FILIP1L: variants seen among roughly 807,000 people sequenced by gnomAD.
The protein encoded by FILIP1L is filamin A interacting protein 1 like.
FILIP1L carries 55 observed loss-of-function variants against 96.6 expected under a neutral mutation model. The ratio of observed to expected loss-of-function variants is 0.57; its 90% CI spans 0.46 to 0.71. The LOEUF (loss-of-function observed/expected upper bound fraction) is 0.71. FILIP1L is among the 30% of genes least tolerant of loss of function. The pLI is 0.00. For synonymous variants in FILIP1L, 467 were observed against 473.9 expected (o/e 0.99, Z 0.19); for missense variants, 1,304 against 1,321.2 (o/e 0.99, Z 0.20).
intron 4 of FILIP1L, among the ~76,000 whole-genome samples, chr3:99,853,539 A>G (rs1943808551): frequency 6.6e-6 from 1 of 152,210 alleles, no homozygotes; most frequent in African/African-American, 2.4e-5. Context: ...AAAGGTTTAG[A>G]AAAAAATTCA....
At chr3:99,874,044 T>C (rs1265877616) in intron 4 of FILIP1L, among the ~76,000 whole-genome samples, 3 of 152,232 alleles carry the variant, frequency 2.0e-5, no homozygotes, top group Non-Finnish European at 2.9e-5. Context: ...TGATAAGTCA[T>C]ACTTAGCTTT....
chr3:99,962,284 G>A (rs1344854108), intron 1 of FILIP1L, among the ~76,000 whole-genome samples: 1 of 152,118 alleles, frequency 6.6e-6, no homozygotes, highest in Non-Finnish European at 1.5e-5. Context: ...GGCTAACAGT[G>A]GGAAGATGAG....
Position 99,830,550 on chromosome 3 carries a change from G to A in FILIP1L, c.3437C>T (p.Thr1146Ile), listed in dbSNP as rs1406233724. 4 of 456,596 alleles carry A rather than the reference G, an allele frequency of 8.8e-6. No individual in the cohort carries two copies. Among genetic ancestry groups the A allele is most frequent in the South Asian group, 1.5e-5 (1 of 64,570 alleles). 28.3% of individuals were successfully genotyped at this position (456,596 alleles called of 1,614,324 possible). A position where few individuals can be genotyped will look rare whatever the true frequency, so the allele number is the denominator to read the frequency against. Residue 1146 changes from threonine (T) to isoleucine (I), a missense_variant, in exon 6 of 6, where the codon ACA becomes ATA. Coordinates refer to ENST00000477258, the MANE Select transcript of FILIP1L (RefSeq NM_001387850.1). Reference protein sequence around the residue: ...IPARIPKPKSTGITKISTKAP... With the variant: ...IPARIPKPKSIGITKISTKAP... ...TTTAGTGGAAATCTTGGTGATGCCT[G>A]TAGATTTCGGTTTAGGGATCCGTGC...
intron 1 of FILIP1L, among the ~76,000 whole-genome samples, chr3:100,062,093 CTTTTTTTTTTTTT>C (rs71907944): frequency 0.011 from 591 of 53,180 alleles, 9 homozygotes; most frequent in South Asian, 0.017. Flanking sequence ...CTGTCTTCTT[CTTTTTTTTTTTTT>C]TTTTTTTTTT....
rs565922022 is a variant in FILIP1L at position 99,905,474 on chromosome 3, T to C, written c.605+18756A>G. Among the ~76,000 whole-genome samples, 6 of 152,338 alleles carry C rather than the reference T, an allele frequency of 3.9e-5. No homozygotes were observed. The East Asian group carries it at 7.7e-4, about 20-fold the overall frequency. On this transcript the variant is annotated intron_variant, in intron 4 of 5. Transcript: ENST00000477258. ...GTCTAGTCTTTGTATGTCTTGCATC[T>C]TTAGAACATGTAACATACTCCATTT...
At chr3:99,935,984 CTTA>C (rs1191301702) in intron 1 of FILIP1L, among the ~76,000 whole-genome samples, 4 of 152,150 alleles carry the variant, frequency 2.6e-5, no homozygotes, top group Non-Finnish European at 4.4e-5. Context: ...CAGCCAATTA[CTTA>C]TTATAAAATT....
In FILIP1L at chr3:100,085,761, A is replaced by G. The variant is rs528093252; in HGVS notation, c.-11+28292T>C. ...GGAATCAGAGCTATGCACGTGGATG[A>G]TGACCCCCTCCTAAGTGGCCAAATA... On this transcript the variant is annotated intron_variant, in intron 1 of 5. Coordinates refer to ENST00000477258, the MANE Select transcript of FILIP1L (RefSeq NM_001387850.1). Among the ~76,000 whole-genome samples the G allele has an allele frequency of 2.0e-5, 3 of 152,302 alleles. No homozygotes were observed. In the South Asian group the frequency reaches 6.2e-4, roughly 32 times the overall value.
At chr3:100,039,336 T>C (rs1332339054) in intron 1 of FILIP1L, among the ~76,000 whole-genome samples, 1 of 152,182 alleles carries the variant, frequency 6.6e-6, no homozygotes, top group Non-Finnish European at 1.5e-5. Context: ...CAGCCAAGAC[T>C]CACCTGCTAC....
rs186825578 is a variant in FILIP1L, at chr3:100,109,070, C to T, written c.-11+4983G>A. On this transcript the variant is annotated intron_variant, in intron 1 of 5. Coordinates refer to ENST00000477258, the MANE Select transcript of FILIP1L (RefSeq NM_001387850.1). ...AGTTTTCTGGGTTCTACAGGATGAT[C>T]GTTTTTAACTGTCTCTTAAAAAAAA... 1.2e-4 allele frequency among the ~76,000 whole-genome samples: 17 copies of T among 144,390 alleles called. No individual in the cohort carries two copies. The East Asian group carries it at 3.4e-3, about 29-fold the overall frequency. The allele number at this position is 144,390 out of a possible 152,430, so 94.7% of individuals were successfully genotyped here.
At chr3:99,891,384 G>A (rs1196963433) in intron 4 of FILIP1L, among the ~76,000 whole-genome samples, 1 of 152,024 alleles carries the variant, frequency 6.6e-6, no homozygotes, top group Non-Finnish European at 1.5e-5. Flanking sequence ...TTAAGTTTAT[G>A]GAGTTTAACA....
At chr3:99,892,958 G>C (rs969034531) in intron 4 of FILIP1L, among the ~76,000 whole-genome samples, 1 of 152,114 alleles carries the variant, frequency 6.6e-6, no homozygotes, top group African/African-American at 2.4e-5. Flanking sequence ...GCCCCTGTTG[G>C]TGCTGATCCC....
intron 4 of FILIP1L, among the ~76,000 whole-genome samples, chr3:99,906,836 T>C (rs1706633188): frequency 6.6e-6 from 1 of 152,198 alleles, no homozygotes; most frequent in Admixed American, 6.5e-5. Flanking sequence ...ACACTTTTCA[T>C]GTATTTTGCC....
intron 4 of FILIP1L, among the ~76,000 whole-genome samples, chr3:99,873,776 T>C (rs146945969): frequency 6.6e-6 from 1 of 152,312 alleles, no homozygotes; most frequent in East Asian, 1.9e-4. Flanking sequence ...AAGGCTTGAT[T>C]TGTGTTTTCA....
chr3:99,872,906 G>A (rs1228646322), intron 4 of FILIP1L, among the ~76,000 whole-genome samples: 1 of 151,804 alleles, frequency 6.6e-6, no homozygotes, highest in Non-Finnish European at 1.5e-5. Flanking sequence ...AGGTCAAGGA[G>A]AATCTCAAGT....
intron 1 of FILIP1L, among the ~76,000 whole-genome samples, chr3:99,946,706 C>A (rs981890781): frequency 6.6e-6 from 1 of 152,140 alleles, no homozygotes; most frequent in Non-Finnish European, 1.5e-5. Context: ...TGTAGTTTAA[C>A]GTGGTGGTGG....
intron 5 of FILIP1L, among the ~76,000 whole-genome samples, chr3:99,839,051 C>A (rs1432876072): frequency 6.6e-6 from 1 of 152,120 alleles, no homozygotes; most frequent in South Asian, 2.1e-4. Context: ...GCCCCCACAC[C>A]TTTACCTTGT....
chr3:99,849,356 A>T lies in FILIP1L; in HGVS notation c.2320T>A (p.Tyr774Asn), dbSNP rs1943540534. 2 of 1,613,952 alleles carry T rather than the reference A, an allele frequency of 1.2e-6. No individual in the cohort carries two copies. Among genetic ancestry groups the T allele is most frequent in the African/African-American group, 2.7e-5 (2 of 74,884 alleles). The change falls in exon 5 of 6, where the codon TAC becomes AAC. Residue 774 changes from tyrosine to asparagine, a missense_variant. Tyr to Asn is a moderately radical substitution (Grantham distance 143). Coordinates refer to ENST00000477258, the MANE Select transcript of FILIP1L (RefSeq NM_001387850.1). ...CTGAGGCTCTTACTGAAATGCCGGT[A>T]CCTCTCTAACTCCTTAGTGAGGTTT... ...IENLTKELER[Y>N]RHFSKSLRPS...
chr3:100,095,986 G>A (rs887920257), intron 1 of FILIP1L, among the ~76,000 whole-genome samples: 8 of 151,994 alleles, frequency 5.3e-5, no homozygotes, highest in African/African-American at 1.2e-4. Flanking sequence ...TTTCTCAAAC[G>A]AAGACATACA....
chr3:99,866,064 T>A (rs748420710), intron 4 of FILIP1L, among the ~76,000 whole-genome samples: 4 of 152,168 alleles, frequency 2.6e-5, no homozygotes, highest in Non-Finnish European at 5.9e-5. Flanking sequence ...TTCGTTGGGC[T>A]GCTTTTCTTT....
Sources: allele counts gnomAD v4.1 joint callset (sites outside exome capture counted in the v4.1 genomes callset), GRCh38; gene constraint gnomAD v4.1.1; transcripts MANE v1.5; gene names NCBI Gene and HGNC (gene_info 2026-07-23, HGNC 2026-07-21).